Variants in CUL1 observed in about 807,000 individuals in gnomAD.
CUL1 encodes cullin-1.
Under a neutral mutation model 118.0 loss-of-function variants are expected in CUL1, and 24 were observed. The observed-to-expected ratio is 0.20, with a 90% CI of 0.15 to 0.29. The LOEUF is 0.29. CUL1 is among the 10% of genes least tolerant of loss of function. CUL1 has a pLI of 1.00. For missense variants in CUL1, 361 were observed against 933.8 expected (o/e 0.39, Z 7.99); for synonymous variants, 332 against 340.4 (o/e 0.98, Z 0.27).
At chr7:148,754,790 A>G (rs1207986509) in intron 3 of CUL1, among the ~76,000 whole-genome samples, 1 of 151,080 alleles carries the variant, frequency 6.6e-6, no homozygotes, top group Non-Finnish European at 1.5e-5. Context: ...TCTGTCACCC[A>G]GGCTGGAGTG....
intron 9 of CUL1, among the ~76,000 whole-genome samples, chr7:148,782,435 C>T (rs1400623271): frequency 6.6e-6 from 1 of 152,188 alleles, no homozygotes; most frequent in Non-Finnish European, 1.5e-5. Flanking sequence ...TGTGTTTTAA[C>T]ATTTTTAAGA....
At chr7:148,769,151 G>A (rs960457056) in intron 9 of CUL1, among the ~76,000 whole-genome samples, 4 of 152,128 alleles carry the variant, frequency 2.6e-5, no homozygotes, top group Admixed American at 2.6e-4. Context: ...AGTTACTTCT[G>A]TCTCTGTCAT....
intron 2 of CUL1, among the ~76,000 whole-genome samples, chr7:148,734,871 T>C (rs1248260612): frequency 6.6e-6 from 1 of 152,168 alleles, no homozygotes; most frequent in African/African-American, 2.4e-5. Flanking sequence ...AGATTCATAA[T>C]TTTACCTTCC....
chr7:148,771,105 G>A (rs547640516), intron 9 of CUL1, among the ~76,000 whole-genome samples: 3 of 152,138 alleles, frequency 2.0e-5, no homozygotes, highest in Non-Finnish European at 4.4e-5. Context: ...GTGCAAAAAT[G>A]TGTAATATCA....
At chr7:148,744,379 TTTG>T (rs1799240345) in intron 2 of CUL1, among the ~76,000 whole-genome samples, 1 of 150,912 alleles carries the variant, frequency 6.6e-6, no homozygotes, top group African/African-American at 2.4e-5. Context: ...TTTTAATATA[TTTG>T]TTGGTTGTTT....
chr7:148,799,215 T>C (rs1443767936), intron 20 of CUL1, 60 bp from the exon 21 acceptor site: 1 of 1,317,938 alleles, frequency 7.6e-7, no homozygotes, highest in Non-Finnish European at 1.1e-6. Context: ...TGTCCTTAAC[T>C]ATCAATACAA....
At chr7:148,740,495 C>A (rs1799108479) in intron 2 of CUL1, among the ~76,000 whole-genome samples, 1 of 152,170 alleles carries the variant, frequency 6.6e-6, no homozygotes, top group Non-Finnish European at 1.5e-5. Flanking sequence ...CAAAAAGAAA[C>A]CCTGTGCCCT....
At chr7:148,702,207 A>C (rs1797741613) in intron 1 of CUL1, among the ~76,000 whole-genome samples, 2 of 152,246 alleles carry the variant, frequency 1.3e-5, no homozygotes, top group Admixed American at 1.3e-4. Context: ...AAACAGAATT[A>C]TTATAACATT....
At chr7:148,762,012 T>C (rs1315290671) in intron 7 of CUL1, among the ~76,000 whole-genome samples, 1 of 152,170 alleles carries the variant, frequency 6.6e-6, no homozygotes, top group Non-Finnish European at 1.5e-5. Flanking sequence ...CAGGTAGTAA[T>C]GCTCACTCAT....
chr7:148,766,033 G>T (rs1475437854), intron 7 of CUL1, among the ~76,000 whole-genome samples: 1 of 152,242 alleles, frequency 6.6e-6, no homozygotes, highest in Non-Finnish European at 1.5e-5. Flanking sequence ...TAAAAAGGAA[G>T]TTTGAAATGG....
intron 1 of CUL1, among the ~76,000 whole-genome samples, chr7:148,727,417 A>G (rs1798622023): frequency 6.6e-6 from 1 of 152,226 alleles, no homozygotes; most frequent in South Asian, 2.1e-4. Context: ...TTTAAGACAT[A>G]AAGCTTTTCA....
At chr7:148,796,961 GAC>G (rs1268335094) in intron 17 of CUL1, among the ~76,000 whole-genome samples, 1 of 152,198 alleles carries the variant, frequency 6.6e-6, no homozygotes, top group African/African-American at 2.4e-5. Context: ...ATGACGACAG[GAC>G]TCCACTGCCC....
intron 1 of CUL1, among the ~76,000 whole-genome samples, chr7:148,710,338 G>A (rs1798010657): frequency 6.6e-6 from 1 of 152,200 alleles, no homozygotes; most frequent in Admixed American, 6.5e-5. Flanking sequence ...GGGAGGCCAA[G>A]GCGAGCGGAT....
chr7:148,800,669 C>A lies in CUL1; in HGVS notation c.*87C>A. The A allele has an allele frequency of 1.8e-6, 2 of 1,096,298 alleles. No individual in the cohort carries two copies. The highest frequency in any genetic ancestry group is 1.4e-6 in the Non-Finnish European group (1 of 734,816). The allele number at this position is 1,096,298 out of a possible 1,614,324, so 67.9% of individuals were successfully genotyped here. A position where few individuals can be genotyped will look rare whatever the true frequency, so the allele number is the denominator to read the frequency against. ...AACAACTCAAGTTCATAGCAGCCAG[C>A]CTGCCGCCATTGGACCTCCCTTTTA... On this transcript the variant is annotated 3_prime_UTR_variant, in exon 22 of 22. Coordinates refer to ENST00000325222, the MANE Select transcript of CUL1 (RefSeq NM_003592.3). The surrounding 1 kb of genome is among the most constrained non-coding windows in gnomAD (Gnocchi z 4.6).
At position 148,800,665 on chromosome 7, in the gene CUL1, C is replaced by A; in HGVS notation, c.*83C>A. ...TGAAAACAACTCAAGTTCATAGCAG[C>A]CAGCCTGCCGCCATTGGACCTCCCT... On this transcript the variant is annotated 3_prime_UTR_variant, in exon 22 of 22. Coordinates refer to ENST00000325222, the MANE Select transcript of CUL1 (RefSeq NM_003592.3). The surrounding 1 kb of genome is among the most constrained non-coding windows in gnomAD (Gnocchi z 4.6). 2 of 1,135,382 alleles carry A rather than the reference C, an allele frequency of 1.8e-6. No individual in the cohort carries two copies. Among genetic ancestry groups the A allele is most frequent in the Non-Finnish European group, 2.6e-6 (2 of 767,842 alleles). 70.3% of individuals were successfully genotyped at this position (1,135,382 alleles called of 1,614,324 possible).
intron 1 of CUL1, among the ~76,000 whole-genome samples, chr7:148,706,209 A>G (rs1797875035): frequency 1.3e-5 from 2 of 152,222 alleles, no homozygotes; most frequent in Non-Finnish European, 2.9e-5. Context: ...CAAAATATGA[A>G]ACAGTCTGAA....
chr7:148,776,608 C>T (rs966117530), intron 9 of CUL1, among the ~76,000 whole-genome samples: 10 of 151,918 alleles, frequency 6.6e-5, no homozygotes, highest in African/African-American at 2.2e-4. Context: ...TGATCCACCA[C>T]GTCCGGCCGA....
At chr7:148,783,761 T>G in intron 9 of CUL1, 22 bp from the exon 10 acceptor site, 1 of 1,612,170 alleles carries the variant, frequency 6.2e-7, no homozygotes, top group Non-Finnish European at 8.5e-7. Flanking sequence ...AACTTTTGTT[T>G]CTATTTCTGC....
intron 1 of CUL1, among the ~76,000 whole-genome samples, chr7:148,713,170 A>C (rs1798103973): frequency 6.6e-6 from 1 of 152,226 alleles, no homozygotes; most frequent in African/African-American, 2.4e-5. Context: ...AAGTGAATGC[A>C]AGTACTTGGA....
Sources: gnomAD v4.1 joint callset for allele counts (sites outside exome capture counted in the v4.1 genomes callset) on GRCh38, gnomAD v4.1.1 for gene constraint, Gnocchi (gnomAD v3.1) non-coding constraint, MANE v1.5 for transcripts, NCBI Gene and HGNC (gene_info 2026-07-23, HGNC 2026-07-21) for gene names.